Variants in ZNF148 observed in about 807,000 individuals in gnomAD.
ZNF148 encodes zinc finger protein 148, also known as Beta-Enolase Repressor Factor-1.
A neutral mutation model predicts 67.7 loss-of-function variants in ZNF148; 7 were observed. The observed-to-expected ratio is 0.10, with a 90% CI of 0.06 to 0.19. The LOEUF (loss-of-function observed/expected upper bound fraction) is 0.19. ZNF148 is among the 10% of genes least tolerant of loss of function. The probability of loss-of-function intolerance (pLI) is 1.00; values close to 1 mark genes in which losing one functional copy is unlikely to be tolerated. For missense variants in ZNF148, 583 were observed against 947.1 expected, an observed-to-expected ratio of 0.62 and a Z score of 5.05; for synonymous variants, 333 against 330.7, an observed-to-expected ratio of 1.01 and a Z score of -0.08.
Position 125,233,092 on chromosome 3 carries a change from A to C in ZNF148, c.1634T>G (p.Leu545Trp). Reference protein sequence around the residue: ...VIPDEVLQTLLDHYSHKANGQ... With the variant: ...VIPDEVLQTLWDHYSHKANGQ... The stretch of plus-strand genomic sequence containing the variant: ...ATTAGCTTTGTGGGAATAATGATCC[A>C]ACAGAGTCTGCAGTACCTCATCTGG... Residue 545 changes from leucine to tryptophan, a missense_variant, in exon 9 of 9, where the codon TTG becomes TGG. This residue lies in a region of ZNF148 where 172 missense variants were observed against 307.7 expected (regional missense o/e 0.56). Coordinates refer to ENST00000360647, the MANE Select transcript of ZNF148 (RefSeq NM_021964.3). This position sits in a 1 kb window ranked among gnomAD's most constrained non-coding sequence, Gnocchi z 5.1. 1.2e-6 allele frequency: 2 copies of C among 1,613,670 alleles called. No individual in the cohort carries two copies. Among genetic ancestry groups the C allele is most frequent in the Non-Finnish European group, 8.5e-7 (1 of 1,179,858 alleles).
At chr3:125,370,242 A>T (rs552222747) in intron 1 of ZNF148, among the ~76,000 whole-genome samples, 130 of 152,204 alleles carry the variant, frequency 8.5e-4, no homozygotes, top group African/African-American at 3.1e-3. Flanking sequence ...TTCCATTCTA[A>T]TCCAGTCTGT....
chr3:125,267,251 C>G (rs1345070593), intron 7 of ZNF148, among the ~76,000 whole-genome samples: 3 of 150,800 alleles, frequency 2.0e-5, no homozygotes, highest in African/African-American at 7.3e-5. Flanking sequence ...CTGGCAAAGA[C>G]ACAACGGGGA....
intron 3 of ZNF148, among the ~76,000 whole-genome samples, chr3:125,321,028 T>G (rs1378824075): frequency 6.6e-6 from 1 of 152,212 alleles, no homozygotes; most frequent in Non-Finnish European, 1.5e-5. Flanking sequence ...AGTTTTGTAT[T>G]TGCTTTCATC....
chr3:125,372,714 T>A (rs2107804997), intron 1 of ZNF148, among the ~76,000 whole-genome samples: 1 of 152,306 alleles, frequency 6.6e-6, no homozygotes, highest in Non-Finnish European at 1.5e-5. Flanking sequence ...ACGCCTGTAA[T>A]CCCAGCACTT....
intron 1 of ZNF148, among the ~76,000 whole-genome samples, chr3:125,365,959 A>C (rs71325834): frequency 1.3e-5 from 2 of 152,214 alleles, no homozygotes; most frequent in Non-Finnish European, 2.9e-5. Flanking sequence ...TATCTCCAGT[A>C]GCCACCTAAC....
chr3:125,324,815 CA>C (rs1473778799), intron 2 of ZNF148, among the ~76,000 whole-genome samples: 2 of 152,168 alleles, frequency 1.3e-5, no homozygotes, highest in Non-Finnish European at 2.9e-5. Context: ...AACATTTCAA[CA>C]GTTTATATAT....
chr3:125,344,607 C>A, intron 1 of ZNF148: 1 of 777,168 alleles, frequency 1.3e-6, no homozygotes, highest in South Asian at 1.3e-5. Context: ...TTAATCCTGT[C>A]ATAGATGTAC....
intron 1 of ZNF148, among the ~76,000 whole-genome samples, chr3:125,334,332 TG>T (rs1159080529): frequency 6.6e-6 from 1 of 152,220 alleles, no homozygotes; most frequent in African/African-American, 2.4e-5. Flanking sequence ...CCCTGGTCTC[TG>T]TCCAAAGGCA....
At chr3:125,348,191 C>T (rs577800475) in intron 1 of ZNF148, among the ~76,000 whole-genome samples, 1 of 151,996 alleles carries the variant, frequency 6.6e-6, no homozygotes, top group South Asian at 2.1e-4. Context: ...CCTGGGAGAT[C>T]AAGGCTGCAG....
intron 7 of ZNF148, among the ~76,000 whole-genome samples, chr3:125,241,449 C>T (rs1324734159): frequency 6.6e-6 from 1 of 151,818 alleles, no homozygotes; most frequent in Non-Finnish European, 1.5e-5. Flanking sequence ...TTTCTTGACA[C>T]AACATAAGTA....
intron 1 of ZNF148, chr3:125,338,750 T>C (rs1166997821): frequency 1.3e-5 from 2 of 150,354 alleles, no homozygotes; most frequent in African/African-American, 4.9e-5. Flanking sequence ...TTAAATATGG[T>C]CATTTAAAAA....
In ZNF148 at chr3:125,233,706, T is replaced by C; in HGVS notation, c.1020A>G (p.Lys340=). Residue 340 remains lysine, a synonymous_variant, in exon 9 of 9, where the codon AAA becomes AAG. Transcript: ENST00000360647. The surrounding 1 kb of genome is among the most constrained non-coding windows in gnomAD (Gnocchi z 5.1). ...ESALDKSDLK[K]DKNDYLPLYS... ...AAAGAGGCAAGTAATCATTTTTGTC[T>C]TTTTTCAGGTCAGATTTGTCCAAAG... is the stretch of plus-strand genomic sequence containing the variant. 1 of 1,613,906 alleles carries C rather than the reference T, an allele frequency of 6.2e-7. No individual in the cohort carries two copies. Among genetic ancestry groups the C allele is most frequent in the Non-Finnish European group, 8.5e-7 (1 of 1,179,864 alleles).
Position 125,232,620 on chromosome 3 carries a change from T to G in ZNF148, c.2106A>C (p.Thr702=). The G allele has an allele frequency of 1.9e-6, 3 of 1,613,844 alleles. No individual in the cohort carries two copies. The highest frequency in any genetic ancestry group is 2.5e-6 in the Non-Finnish European group (3 of 1,179,782). ...DETNHASATS[T]QDFLDQVTSQ... is the part of the protein sequence containing the mutation. Reference sequence around the variant, plus strand: ...AAGTCACTTGATCCAGAAAGTCCTGTGTTGATGTGGCAGAAGCATGGTTTG... The same window carrying G: ...AAGTCACTTGATCCAGAAAGTCCTGGGTTGATGTGGCAGAAGCATGGTTTG... The change falls in exon 9 of 9, where the codon ACA becomes ACC. Residue 702 remains threonine, a synonymous_variant. Coordinates refer to ENST00000360647, the MANE Select transcript of ZNF148 (RefSeq NM_021964.3). The surrounding 1 kb of genome is among the most constrained non-coding windows in gnomAD (Gnocchi z 4.2).
chr3:125,371,374 G>A (rs75556366), intron 1 of ZNF148, among the ~76,000 whole-genome samples: 159 of 7,632 alleles, frequency 0.021, no homozygotes, highest in Middle Eastern at 0.17. Flanking sequence ...AAAAAAAAAG[G>A]GGGGGGGGGG....
chr3:125,322,283 G>GC (rs965259950), intron 3 of ZNF148, among the ~76,000 whole-genome samples: 8 of 151,626 alleles, frequency 5.3e-5, no homozygotes, highest in African/African-American at 1.9e-4. Flanking sequence ...GCCTCAGCCT[G>GC]CCAGCCTGCT....
intron 5 of ZNF148, among the ~76,000 whole-genome samples, chr3:125,286,687 A>T (rs9852389): frequency 0.082 from 12,525 of 152,204 alleles, 621 homozygotes; most frequent in Non-Finnish European, 0.099. Flanking sequence ...TAGCTAATAA[A>T]TGATTACAAA....
intron 7 of ZNF148, among the ~76,000 whole-genome samples, chr3:125,245,576 T>C (rs1030908415): frequency 2.0e-5 from 3 of 152,224 alleles, no homozygotes; most frequent in Non-Finnish European, 4.4e-5. Flanking sequence ...TCCTCTCCCC[T>C]CTAAACTGCA....
intron 1 of ZNF148, among the ~76,000 whole-genome samples, chr3:125,364,171 G>A (rs764755636): frequency 6.6e-6 from 1 of 152,178 alleles, no homozygotes; most frequent in East Asian, 1.9e-4. Context: ...GACCGAGGTG[G>A]GCAGATCACT....
At chr3:125,367,369 T>C (rs1942734378) in intron 1 of ZNF148, among the ~76,000 whole-genome samples, 1 of 152,188 alleles carries the variant, frequency 6.6e-6, no homozygotes, top group South Asian at 2.1e-4. Context: ...AGATACCACC[T>C]TTCCTTCCCC....
Sources: gnomAD v4.1 joint callset for allele counts (sites outside exome capture counted in the v4.1 genomes callset) on GRCh38, gnomAD v4.1.1 for gene constraint, gnomAD v4.1.1 regional missense constraint, Gnocchi (gnomAD v3.1) non-coding constraint, MANE v1.5 for transcripts, NCBI Gene and HGNC (gene_info 2026-07-23, HGNC 2026-07-21) for gene names.